The following SDK1 variants were observed in gnomAD, a reference collection of about 807,000 sequenced individuals.
SDK1 encodes sidekick cell adhesion molecule 1.
In SDK1, 157 loss-of-function variants were observed where a neutral mutation model predicts 245.5. That is an observed-to-expected ratio of 0.64 (90% CI 0.56 to 0.73). SDK1 has a LOEUF of 0.73. SDK1 is among the 30% of genes least tolerant of loss of function. The pLI, the probability that SDK1 is intolerant of heterozygous loss-of-function variation, is 0.00. For missense variants in SDK1, 3,583 were observed against 3,002.3 expected, an observed-to-expected ratio of 1.19 and a Z score of -4.52; for synonymous variants, 1,647 against 1,278.5, an observed-to-expected ratio of 1.29 and a Z score of -6.15.
At chr7:3,940,656 A>T (rs1237523896) in intron 5 of SDK1, among the ~76,000 whole-genome samples, 1 of 151,820 alleles carries the variant, frequency 6.6e-6, no homozygotes. Flanking sequence ...AACCCCGTCT[A>T]CTAAAAATAC....
chr7:3,467,726 A>C (rs1006598800), intron 1 of SDK1, among the ~76,000 whole-genome samples: 31 of 152,156 alleles, frequency 2.0e-4, no homozygotes, highest in Admixed American at 1.1e-3. Flanking sequence ...TTACAAATTG[A>C]GATAAAATTA....
intron 2 of SDK1, among the ~76,000 whole-genome samples, chr7:3,620,365 C>T (rs758644395): frequency 4.0e-5 from 6 of 151,716 alleles, no homozygotes; most frequent in East Asian, 1.9e-4. Flanking sequence ...TGCAGTGGCG[C>T]GATCTTGGCT....
At chr7:4,172,972 G>C (rs543912551) in intron 32 of SDK1, among the ~76,000 whole-genome samples, 1 of 152,192 alleles carries the variant, frequency 6.6e-6, no homozygotes, top group African/African-American at 2.4e-5. Context: ...ATAAGGTCAG[G>C]TTCACAGGCA....
At chr7:3,745,555 A>C (rs1279266618) in intron 4 of SDK1, among the ~76,000 whole-genome samples, 1 of 151,064 alleles carries the variant, frequency 6.6e-6, no homozygotes, top group African/African-American at 2.4e-5. Context: ...TGTGTGTGTA[A>C]ATAATTCTAA....
intron 5 of SDK1, among the ~76,000 whole-genome samples, chr7:3,874,974 G>A (rs1781039595): frequency 6.6e-6 from 1 of 152,090 alleles, no homozygotes; most frequent in Admixed American, 6.5e-5. Flanking sequence ...ACCCTTTAGG[G>A]TTCCTGGAGG....
chr7:3,993,081 A>T (rs929261982), intron 14 of SDK1, among the ~76,000 whole-genome samples: 1 of 152,244 alleles, frequency 6.6e-6, no homozygotes, highest in Admixed American at 6.5e-5. Context: ...TGTTGATTCT[A>T]TCGTTGCATT....
In SDK1 at chr7:3,709,566, G is replaced by A. The variant is rs558028822; in HGVS notation, c.713+67461G>A. Among the ~76,000 whole-genome samples the A allele has an allele frequency of 2.4e-3, 359 of 152,246 alleles. 1 individual carries two copies. The highest frequency in any genetic ancestry group is 8.2e-3 in the African/African-American group (342 of 41,528). On this transcript the variant is annotated intron_variant, in intron 4 of 44. Coordinates refer to ENST00000404826, the MANE Select transcript of SDK1 (RefSeq NM_152744.4). ...CTGCTGCTTCTTTCAAAGGGTCTGT[G>A]GTTTCTTTCCATTTTTCTGTTAAAT...
At chr7:3,613,249 C>G (rs1383480145) in intron 1 of SDK1, among the ~76,000 whole-genome samples, 1 of 152,172 alleles carries the variant, frequency 6.6e-6, no homozygotes, top group Non-Finnish European at 1.5e-5. Flanking sequence ...TAGGCTCCAG[C>G]TGCTGCCCAT....
intron 5 of SDK1, among the ~76,000 whole-genome samples, chr7:3,842,298 C>T (rs902008123): frequency 3.3e-5 from 5 of 152,178 alleles, no homozygotes; most frequent in Admixed American, 2.0e-4. Flanking sequence ...TCCTGCATCC[C>T]GGGAGATGAT....
At chr7:4,200,228 C>T (rs1402915525) in intron 35 of SDK1, among the ~76,000 whole-genome samples, 1 of 152,334 alleles carries the variant, frequency 6.6e-6, no homozygotes, top group East Asian at 1.9e-4. Flanking sequence ...TGTACACCCA[C>T]ACCATGAAAT....
chr7:4,200,945 T>C (rs1332235900), intron 35 of SDK1, among the ~76,000 whole-genome samples: 1 of 152,208 alleles, frequency 6.6e-6, no homozygotes, highest in Non-Finnish European at 1.5e-5. Context: ...GCTTTTACCA[T>C]AGGAAGGCAG....
In SDK1 at chr7:3,776,903, T is replaced by C. The variant is rs550793174; in HGVS notation, c.714-44547T>C. Among the ~76,000 whole-genome samples the C allele has an allele frequency of 2.6e-5, 4 of 152,254 alleles. 1 individual carries two copies. Among genetic ancestry groups the C allele is most frequent in the African/African-American group, 9.6e-5 (4 of 41,544 alleles). On this transcript the variant is annotated intron_variant, in intron 4 of 44. Transcript: ENST00000404826. ...ACTTCTCAAAATCTCCATGGTAACA[T>C]GCAGAGAACTGTATCATAGAGCACG...
intron 38 of SDK1, among the ~76,000 whole-genome samples, chr7:4,217,972 C>G (rs1784926399): frequency 6.6e-6 from 1 of 152,072 alleles, no homozygotes; most frequent in South Asian, 2.1e-4. Flanking sequence ...TTGGACAGGA[C>G]CCAGTTTGTG....
intron 5 of SDK1, among the ~76,000 whole-genome samples, chr7:3,887,365 A>G (rs879714411): frequency 1.6e-4 from 24 of 152,228 alleles, no homozygotes; most frequent in Non-Finnish European, 2.1e-4. Context: ...GACAAGTACA[A>G]TCTTCCTTGT....
intron 4 of SDK1, among the ~76,000 whole-genome samples, chr7:3,647,786 G>GT (rs1244793713): frequency 6.6e-6 from 1 of 152,078 alleles, no homozygotes; most frequent in East Asian, 1.9e-4. Context: ...TGGCCTCTTG[G>GT]TATGCATAGG....
At chr7:3,510,629 A>T (rs1271110081) in intron 1 of SDK1, among the ~76,000 whole-genome samples, 1 of 152,178 alleles carries the variant, frequency 6.6e-6, no homozygotes, top group Non-Finnish European at 1.5e-5. Context: ...TAGTGGCAAG[A>T]CAAGTAATGG....
chr7:3,600,649 C>T (rs34227479), intron 1 of SDK1, among the ~76,000 whole-genome samples: 35,292 of 148,538 alleles, frequency 0.24, 4,333 homozygotes, highest in South Asian at 0.31. Flanking sequence ...CCCGGGTTCA[C>T]GCCATTCTCC....
intron 4 of SDK1, among the ~76,000 whole-genome samples, chr7:3,765,007 T>C (rs1780214495): frequency 6.6e-6 from 1 of 152,142 alleles, no homozygotes; most frequent in African/African-American, 2.4e-5. Context: ...AGTATCTCAG[T>C]ATAAAATGTA....
chr7:3,417,462 C>G (rs973790515), intron 1 of SDK1, among the ~76,000 whole-genome samples: 4 of 151,912 alleles, frequency 2.6e-5, no homozygotes, highest in African/African-American at 9.7e-5. Flanking sequence ...TTTTTTCTCT[C>G]TCTTACTTGC....
Sources: allele counts gnomAD v4.1 joint callset (sites outside exome capture counted in the v4.1 genomes callset), GRCh38; gene constraint gnomAD v4.1.1; transcripts MANE v1.5; gene names NCBI Gene and HGNC (gene_info 2026-07-23, HGNC 2026-07-21).